Variants in MCM3AP observed in about 807,000 individuals in gnomAD.
The protein encoded by MCM3AP is minichromosome maintenance complex component 3 associated protein.
A neutral mutation model predicts 184.1 loss-of-function variants in MCM3AP; 126 were observed. That is an observed-to-expected ratio of 0.68 (90% CI 0.59 to 0.79). The LOEUF is 0.79. MCM3AP is among the 30% of genes least tolerant of loss of function. The pLI, the probability that MCM3AP is intolerant of heterozygous loss-of-function variation, is 0.00. For missense variants in MCM3AP, 2,496 were observed against 2,479.2 expected, an observed-to-expected ratio of 1.01 and a Z score of -0.14; for synonymous variants, 1,002 against 979.3, an observed-to-expected ratio of 1.02 and a Z score of -0.43.
intron 2 of MCM3AP, among the ~76,000 whole-genome samples, chr21:46,283,105 T>C (rs990757850): frequency 6.6e-6 from 1 of 152,014 alleles, no homozygotes; most frequent in Non-Finnish European, 1.5e-5. Flanking sequence ...TTTTGTATTT[T>C]TAGTAGAGAT....
intron 24 of MCM3AP, 53 bp from the exon 25 acceptor site, chr21:46,242,984 TCA>T (rs761109009): frequency 5.9e-6 from 7 of 1,191,216 alleles, no homozygotes; most frequent in Admixed American, 3.3e-5. Context: ...CAACCCTGTC[TCA>T]AAAAAAAAAA....
chr21:46,263,276 G>C (rs2081065048), intron 13 of MCM3AP, among the ~76,000 whole-genome samples: 1 of 152,110 alleles, frequency 6.6e-6, no homozygotes. Context: ...GTTGCAGTGA[G>C]CCAAGATTGT....
At chr21:46,277,143 G>A (rs944428011) in intron 5 of MCM3AP, among the ~76,000 whole-genome samples, 2 of 152,032 alleles carry the variant, frequency 1.3e-5, no homozygotes, top group Non-Finnish European at 2.9e-5. Flanking sequence ...TAGTGTTAAT[G>A]GAATACTTAC....
intron 11 of MCM3AP, 39 bp from the exon 12 acceptor site, chr21:46,265,562 A>G (rs1222032059): frequency 6.7e-7 from 1 of 1,491,692 alleles, no homozygotes; most frequent in Non-Finnish European, 9.0e-7. Flanking sequence ...AGCTGCAGAC[A>G]CAGGGTGCCT....
rs968555236 is a variant in MCM3AP, at chr21:46,273,640, T to C, written c.1999-55A>G. On this transcript the variant is annotated intron_variant, in intron 6 of 27. Coordinates refer to ENST00000291688, the MANE Select transcript of MCM3AP (RefSeq NM_003906.5). The stretch of plus-strand genomic sequence containing the variant: ...CATGTGGCATACCTTGGGCCAGGCA[T>C]AGTTATGCCTGAAAATGAGGGGGAA... 2.2e-5 allele frequency: 31 copies of C among 1,398,464 alleles called. 1 individual carries two copies. In the East Asian group the frequency reaches 4.4e-4, roughly 20 times the overall value. 86.6% of individuals were successfully genotyped at this position (1,398,464 alleles called of 1,614,324 possible).
At chr21:46,246,959 C>G in intron 20 of MCM3AP, 73 bp from the exon 21 acceptor site, 1 of 1,509,952 alleles carries the variant, frequency 6.6e-7, no homozygotes, top group Non-Finnish European at 9.1e-7. Flanking sequence ...TGCCCCAGAG[C>G]AAGTGCAGCC....
chr21:46,276,447 TTTTTTC>T (rs2081256038), intron 5 of MCM3AP, among the ~76,000 whole-genome samples: 1 of 152,156 alleles, frequency 6.6e-6, no homozygotes, highest in African/African-American at 2.4e-5. Flanking sequence ...AGCTGATTTT[TTTTTTC>T]TTTTTGAGAT....
rs766301448 is a variant in MCM3AP at position 46,284,522 on chromosome 21, T to G, written c.765A>C (p.Ser255=). Residue 255 remains serine (S), a synonymous_variant, in exon 1 of 28, where the codon TCA becomes TCC. Transcript: ENST00000291688. ...GGAAAGGTTCGCCCAAAACCGCAGA[T>G]GATACAGGGAAGCTACTGAAGCTAT... ...SNNSFSSFPV[S]SAVLGEPFQA... 1 of 1,614,202 alleles carries G rather than the reference T, an allele frequency of 6.2e-7. No homozygotes were observed. Among genetic ancestry groups the G allele is most frequent in the Non-Finnish European group, 8.5e-7 (1 of 1,180,042 alleles).
In MCM3AP at chr21:46,238,652, G is replaced by A. The variant is rs1175254268; in HGVS notation, c.5634-1673C>T. Among the ~76,000 whole-genome samples, 3 of 89,408 alleles carry A rather than the reference G, an allele frequency of 3.4e-5. 1 individual carries two copies. The highest frequency in any genetic ancestry group is 7.0e-5 in the Non-Finnish European group (3 of 42,660). 58.7% of individuals were successfully genotyped at this position (89,408 alleles called of 152,430 possible). A position where few individuals can be genotyped will look rare whatever the true frequency, so the allele number is the denominator to read the frequency against. ...GAACCTGGGAGGTGGAGGTTGCAGT[G>A]AGTCGAGATTGTGCCACTGCACTCT... On this transcript the variant is annotated intron_variant, in intron 26 of 27. Transcript: ENST00000291688.
chr21:46,260,721 G>A (rs1311354966), intron 15 of MCM3AP, 72 bp downstream of exon 15: 14 of 1,074,998 alleles, frequency 1.3e-5, no homozygotes, highest in Middle Eastern at 2.0e-4. Context: ...ATCCTCAGTG[G>A]TGCAAGACAC....
chr21:46,236,782 CA>C, intron 27 of MCM3AP, 46 bp downstream of exon 27: 1 of 1,327,796 alleles, frequency 7.5e-7, no homozygotes, highest in Non-Finnish European at 1.0e-6. Flanking sequence ...GCCATTCTCT[CA>C]ATCTTTAATT....
chr21:46,242,838 A>G lies in MCM3AP; in HGVS notation c.5390T>C (p.Leu1797Ser), dbSNP rs752165893. The G allele has an allele frequency of 2.5e-6, 4 of 1,613,466 alleles. No individual in the cohort carries two copies. Among genetic ancestry groups the G allele is most frequent in the Admixed American group, 3.3e-5 (2 of 59,888 alleles). Residue 1797 changes from leucine to serine, a missense_variant, in exon 25 of 28, where the codon TTG (leucine) becomes TCG (serine). Transcript: ENST00000291688. ...DVPLSWEQAR[L>S]QTQKELQLRE... is the part of the protein sequence containing the mutation. The stretch of plus-strand genomic sequence containing the variant: ...CAGCTGTAGCTCCTTCTGCGTCTGC[A>G]ACCTGGCTTGTTCCCACGACAAAGG...
chr21:46,284,723 G>A lies in MCM3AP; in HGVS notation c.564C>T (p.Gly188=), dbSNP rs896064114. ...CTTGAGGAAAAGAGAAAGGGGCCAG[G>A]CCTCCAGGTGCACTACTAATTGGGT... is the stretch of plus-strand genomic sequence containing the variant. ...FSHPISSAPG[G]LAPFSFPQVT... The change falls in exon 1 of 28, where the codon GGC becomes GGT. Residue 188 remains glycine, a synonymous_variant. Transcript: ENST00000291688. 6.2e-7 allele frequency: 1 copy of A among 1,614,062 alleles called. No homozygotes were observed. Among genetic ancestry groups the A allele is most frequent in the Non-Finnish European group, 8.5e-7 (1 of 1,180,038 alleles).
chr21:46,259,188 G>C, intron 15 of MCM3AP, 97 bp from the exon 16 acceptor site: 1 of 1,248,138 alleles, frequency 8.0e-7, no homozygotes, highest in Non-Finnish European at 1.1e-6. Context: ...AGGCGCGGTG[G>C]CTCACGCCTG....
At chr21:46,282,326 GC>G (rs2081343733) in intron 2 of MCM3AP, among the ~76,000 whole-genome samples, 1 of 152,080 alleles carries the variant, frequency 6.6e-6, no homozygotes, top group South Asian at 2.1e-4. Flanking sequence ...ACCCGCGTCT[GC>G]CAACAGACGA....
intron 4 of MCM3AP, among the ~76,000 whole-genome samples, chr21:46,279,611 C>G (rs535671115): frequency 6.6e-6 from 1 of 152,364 alleles, no homozygotes; most frequent in South Asian, 2.1e-4. Context: ...TGATGAGATT[C>G]TCCCATAGAA....
intron 10 of MCM3AP, 37 bp downstream of exon 10, chr21:46,266,945 G>T: frequency 1.9e-6 from 3 of 1,608,868 alleles, no homozygotes; most frequent in Non-Finnish European, 2.5e-6. Flanking sequence ...AAGAAAAAAG[G>T]AGACAGGGGC....
chr21:46,257,702 C>G (rs1012779946), intron 16 of MCM3AP, among the ~76,000 whole-genome samples: 50 of 151,724 alleles, frequency 3.3e-4, no homozygotes, highest in African/African-American at 1.2e-3. Context: ...GGGCGGATCA[C>G]GAGGTCAGGA....
rs1313210748 is a variant in MCM3AP at position 46,251,557 on chromosome 21, T to C, written c.4262A>G (p.Gln1421Arg). 6.2e-7 allele frequency: 1 copy of C among 1,612,082 alleles called. No individual in the cohort carries two copies. The highest frequency in any genetic ancestry group is 8.5e-7 in the Non-Finnish European group (1 of 1,178,268). Residue 1421 changes from glutamine to arginine, a missense_variant, in exon 20 of 28, where the codon CAG (glutamine) becomes CGG (arginine). Physicochemically the swap from Gln to Arg is conservative, Grantham distance 43. This residue lies in a region of MCM3AP where 1,323 missense variants were observed against 1,273.4 expected (regional missense o/e 1.04). Coordinates refer to ENST00000291688, the MANE Select transcript of MCM3AP (RefSeq NM_003906.5). The stretch of plus-strand genomic sequence containing the variant: ...TATACACACGTTAACAGAAATCATC[T>C]GATCCCCTTTGCTGCTAAGTGAGTT... ...LFNSLSSKGDQMISVNVCIKV... is the reference protein window; with the variant it reads ...LFNSLSSKGDRMISVNVCIKV...
Sources: allele counts gnomAD v4.1 joint callset (sites outside exome capture counted in the v4.1 genomes callset), GRCh38; gene constraint gnomAD v4.1.1; regional missense constraint gnomAD v4.1.1; transcripts MANE v1.5; gene names NCBI Gene and HGNC (gene_info 2026-07-23, HGNC 2026-07-21).